The following DNAH2 variants were observed in gnomAD, a reference collection of about 807,000 sequenced individuals.
DNAH2 encodes the protein axonemal beta dynein heavy chain 2.
A neutral mutation model predicts 523.5 loss-of-function variants in DNAH2; 323 were observed. The ratio of observed to expected loss-of-function variants is 0.62; its 90% CI spans 0.56 to 0.68. The LOEUF is 0.68. Ranked by LOEUF, DNAH2 falls within the 30% of genes least tolerant of loss-of-function variation. The pLI, the probability that DNAH2 is intolerant of heterozygous loss-of-function variation, is 0.00. For missense variants in DNAH2, 4,907 were observed against 5,701.5 expected (o/e 0.86, Z 4.49); for synonymous variants, 2,093 against 2,177.4 (o/e 0.96, Z 1.08).
Position 7,793,089 on chromosome 17 carries a change from C to T in DNAH2, c.7453C>T (p.Leu2485=). ...AAGCATGATCACCTTTATGGATGAC[C>T]TAAATATGCCCGCTAAGGACATGTT... ...GKSMITFMDD[L]NMPAKDMFGS... is the part of the protein sequence containing the mutation. The change falls in exon 48 of 86, where the codon CTA becomes TTA. Residue 2485 remains leucine (L), a synonymous_variant. Coordinates refer to ENST00000572933, the MANE Select transcript of DNAH2 (RefSeq NM_020877.5). 1 of 1,614,198 alleles carries T rather than the reference C, an allele frequency of 6.2e-7. No homozygotes were observed. The highest frequency in any genetic ancestry group is 1.7e-5 in the Admixed American group (1 of 60,024).
chr17:7,771,051 C>G, intron 27 of DNAH2, 118 bp downstream of exon 27: 1 of 1,165,448 alleles, frequency 8.6e-7, no homozygotes, highest in Non-Finnish European at 1.2e-6. Context: ...CACTCTTCAT[C>G]TAGGACCCAG....
intron 24 of DNAH2, among the ~76,000 whole-genome samples, chr17:7,768,689 G>A (rs1407191413): frequency 6.6e-6 from 1 of 152,006 alleles, no homozygotes; most frequent in African/African-American, 2.4e-5. Context: ...AACACCTCCC[G>A]AACTTTCCAC....
In DNAH2 at chr17:7,777,641, G is replaced by T. The variant is rs747841637; in HGVS notation, c.5247+7G>T. ...TCGGTTCTACTGGGAGAAGGTGCCA[G>T]ATGGGCCACCTCCCCACTCTCTTAC... On this transcript the variant is annotated splice_region_variant and intron_variant, in intron 33 of 85. Coordinates refer to ENST00000572933, the MANE Select transcript of DNAH2 (RefSeq NM_020877.5). 8.1e-6 allele frequency: 13 copies of T among 1,613,672 alleles called. No individual in the cohort carries two copies. Among genetic ancestry groups the T allele is most frequent in the Middle Eastern group, 3.3e-4 (2 of 6,040 alleles).
In DNAH2 at chr17:7,798,028, A is replaced by G; in HGVS notation, c.8231-129A>G. 1 of 1,399,508 alleles carries G rather than the reference A, an allele frequency of 7.1e-7. No homozygotes were observed. Among genetic ancestry groups the G allele is most frequent in the Non-Finnish European group, 9.6e-7 (1 of 1,041,082 alleles). The allele number at this position is 1,399,508 out of a possible 1,614,324, so 86.7% of individuals were successfully genotyped here. On this transcript the variant is annotated intron_variant, in intron 53 of 85. Transcript: ENST00000572933. This position sits in a 1 kb window ranked among gnomAD's most constrained non-coding sequence, Gnocchi z 5.5. ...TTGAATTGCCTCCTGGGCCTTGGGC[A>G]CCAACTTCTTCTCATACCTCTTGGT...
rs1555540638 is a variant in DNAH2 at position 7,741,236 on chromosome 17, C to CTCTCTCTCTT, written c.1689+247_1689+248insCTCTCTTTCT. ...TCCTTCCTTTCTTTTTTTTCTCTCT[C>CTCTCTCTCTT]TCTTTCTTTCTTTCTTTCTTTCTTT... On this transcript the variant is annotated intron_variant, in intron 11 of 85. Transcript: ENST00000572933. 4.6e-4 allele frequency among the ~76,000 whole-genome samples: 39 copies of CTCTCTCTCTT among 85,572 alleles called. 1 individual carries two copies. The highest frequency in any genetic ancestry group is 1.5e-4 in the Non-Finnish European group (6 of 39,030). 56.1% of individuals were successfully genotyped at this position (85,572 alleles called of 152,430 possible).
chr17:7,724,060 C>T (rs2074716783), intron 3 of DNAH2, among the ~76,000 whole-genome samples: 2 of 152,090 alleles, frequency 1.3e-5, no homozygotes, highest in Non-Finnish European at 2.9e-5. Flanking sequence ...TCAGTTCTTT[C>T]CTTTGGCTGA....
intron 39 of DNAH2, among the ~76,000 whole-genome samples, chr17:7,783,038 G>A (rs2076642731): frequency 6.6e-6 from 1 of 152,184 alleles, no homozygotes; most frequent in Admixed American, 6.5e-5. Context: ...CCAGACTGGA[G>A]CAAACCTGAA....
At chr17:7,724,035 C>T (rs950626706) in intron 3 of DNAH2, among the ~76,000 whole-genome samples, 1 of 152,118 alleles carries the variant, frequency 6.6e-6, no homozygotes, top group Non-Finnish European at 1.5e-5. Flanking sequence ...AAGACATGCT[C>T]TTTCCACCTT....
At chr17:7,787,256 A>G in intron 42 of DNAH2, 2 of 634,386 alleles carry the variant, frequency 3.2e-6, no homozygotes, top group Admixed American at 5.9e-5. Context: ...TGTTGTAAGC[A>G]CTGTGTAGGC....
At chr17:7,761,059 A>G in intron 18 of DNAH2, 127 bp downstream of exon 18, 1 of 1,199,956 alleles carries the variant, frequency 8.3e-7, no homozygotes, top group South Asian at 1.5e-5. Context: ...ATGACAGGAA[A>G]AGAACAGGAC....
At position 7,780,811 on chromosome 17, in the gene DNAH2, G is replaced by T; in HGVS notation, c.6003+29G>T. 1 of 1,613,670 alleles carries T rather than the reference G, an allele frequency of 6.2e-7. No individual in the cohort carries two copies. On this transcript the variant is annotated intron_variant, in intron 38 of 85. Coordinates refer to ENST00000572933, the MANE Select transcript of DNAH2 (RefSeq NM_020877.5). The surrounding 1 kb of genome is among the most constrained non-coding windows in gnomAD (Gnocchi z 4.4). The stretch of plus-strand genomic sequence containing the variant: ...GAGCAAGGACACAGCCTTTGGACCT[G>T]ACTTCCACTGTCACTGGACCTATGT...
rs1213395614 is a variant in DNAH2 at position 7,760,461 on chromosome 17, G to A, written c.2786-279G>A. Reference sequence around the variant, plus strand: ...TGATGCTCATGGGTTTTGGGATTTGGGATGGGAGATGAGGAAAGACAAGCT... The same window carrying A: ...TGATGCTCATGGGTTTTGGGATTTGAGATGGGAGATGAGGAAAGACAAGCT... On this transcript the variant is annotated intron_variant, in intron 17 of 85. Coordinates refer to ENST00000572933, the MANE Select transcript of DNAH2 (RefSeq NM_020877.5). The surrounding 1 kb of genome is among the most constrained non-coding windows in gnomAD (Gnocchi z 4.0). Among the ~76,000 whole-genome samples the A allele has an allele frequency of 6.6e-6, 1 of 152,124 alleles. No homozygotes were observed. Among genetic ancestry groups the A allele is most frequent in the Non-Finnish European group, 1.5e-5 (1 of 68,022 alleles).
At position 7,816,713 on chromosome 17, in the gene DNAH2, C is replaced by T. The variant is rs770700071; in HGVS notation, c.9872C>T (p.Ala3291Val). The T allele has an allele frequency of 6.2e-7, 1 of 1,613,920 alleles. No individual in the cohort carries two copies. Among genetic ancestry groups the T allele is most frequent in the Non-Finnish European group, 8.5e-7 (1 of 1,180,024 alleles). The change falls in exon 64 of 86, where the codon GCC becomes GTC. Residue 3291 changes from alanine to valine, a missense_variant. Physicochemically the swap from Ala to Val is moderately conservative, Grantham distance 64. This residue lies in a region of DNAH2 where 1,851 missense variants were observed against 2,139.4 expected (regional missense o/e 0.87). Transcript: ENST00000572933. ...GTGTCGGGGTTGGCTGGCGAGAAGG[C>T]CAGATGGGAGGAGACAGTCCAGGTG... ...MLVSGLAGEK[A>V]RWEETVQGLE...
At position 7,821,498 on chromosome 17, in the gene DNAH2, C is replaced by A; in HGVS notation, c.11142+129C>A. On this transcript the variant is annotated intron_variant, in intron 73 of 85. Coordinates refer to ENST00000572933, the MANE Select transcript of DNAH2 (RefSeq NM_020877.5). The surrounding 1 kb of genome is among the most constrained non-coding windows in gnomAD (Gnocchi z 5.0). ...AGTGAGTGAGCTGAGAAAATCCAGG[C>A]CAGCATCAGGTGCATGGTGAGCTCC... The A allele has an allele frequency of 3.0e-6, 4 of 1,331,132 alleles. No homozygotes were observed. Among genetic ancestry groups the A allele is most frequent in the Non-Finnish European group, 4.0e-6 (4 of 997,996 alleles). 82.5% of individuals were successfully genotyped at this position (1,331,132 alleles called of 1,614,324 possible). A position where few individuals can be genotyped will look rare whatever the true frequency, so the allele number is the denominator to read the frequency against.
In DNAH2 at chr17:7,760,716, A is replaced by G. The variant is rs764962609; in HGVS notation, c.2786-24A>G. On this transcript the variant is annotated intron_variant, in intron 17 of 85. Transcript: ENST00000572933. This position sits in a 1 kb window ranked among gnomAD's most constrained non-coding sequence, Gnocchi z 4.0. ...TGGGTTGGGGTGGAAGTCAGTGAGA[A>G]GCATCTTTCTTGGTCCTTTGAAGAG... 1 of 1,601,238 alleles carries G rather than the reference A, an allele frequency of 6.2e-7. No individual in the cohort carries two copies. The highest frequency in any genetic ancestry group is 8.5e-7 in the Non-Finnish European group (1 of 1,171,702).
At position 7,723,654 on chromosome 17, in the gene DNAH2, C is replaced by T; in HGVS notation, c.193C>T (p.Gln65Ter). 6.2e-7 allele frequency: 1 copy of T among 1,614,028 alleles called. No individual in the cohort carries two copies. Among genetic ancestry groups the T allele is most frequent in the Non-Finnish European group, 8.5e-7 (1 of 1,179,990 alleles). Residue 65 changes from glutamine to a stop codon, truncating the protein, a stop_gained, in exon 3 of 86, where the codon CAG (glutamine) becomes TAG (stop). Coordinates refer to ENST00000572933, the MANE Select transcript of DNAH2 (RefSeq NM_020877.5). LOFTEE classifies it high-confidence loss of function. ...PEPRLEGPQAQSEESVEPEAD... is the reference protein window; with the variant it reads ...PEPRLEGPQA ...GCCACGGTTGGAGGGACCTCAAGCA[C>T]AGAGTGAAGAATCAGTGGAGCCCGA...
Position 7,779,354 on chromosome 17 carries a change from C to T in DNAH2, c.5653C>T (p.His1885Tyr). Residue 1885 changes from histidine (H) to tyrosine (Y), a missense_variant, in exon 36 of 86, where the codon CAT becomes TAT. His to Tyr is a moderately conservative substitution (Grantham distance 83, BLOSUM62 2). Transcript: ENST00000572933. ...ILSALAAGLT[H>Y]FHFDGFEINL... ...GTCTGCCCTGGCTGCCGGCCTCACC[C>T]ATTTCCATTTTGATGGCTTTGAAAT... The T allele has an allele frequency of 6.2e-7, 1 of 1,614,110 alleles. No homozygotes were observed. The highest frequency in any genetic ancestry group is 8.5e-7 in the Non-Finnish European group (1 of 1,180,014).
At chr17:7,777,932 G>T (rs987980531) in intron 33 of DNAH2, 145 bp from the exon 34 acceptor site, 2 of 785,988 alleles carry the variant, frequency 2.5e-6, no homozygotes, top group Non-Finnish European at 4.1e-6. Context: ...CCCATAAACC[G>T]CTCCCCTTTT....
At chr17:7,732,606 C>T (rs756440635) in intron 4 of DNAH2, among the ~76,000 whole-genome samples, 7 of 152,000 alleles carry the variant, frequency 4.6e-5, no homozygotes, top group African/African-American at 1.2e-4. Context: ...TGCTTTTGTA[C>T]GTAAACCACA....
Sources: allele counts gnomAD v4.1 joint callset (sites outside exome capture counted in the v4.1 genomes callset), GRCh38; gene constraint gnomAD v4.1.1; regional missense constraint gnomAD v4.1.1; non-coding constraint Gnocchi (gnomAD v3.1); transcripts MANE v1.5; gene names NCBI Gene and HGNC (gene_info 2026-07-23, HGNC 2026-07-21).